The following FANCI variants were observed in gnomAD, a reference collection of about 807,000 sequenced individuals.
The protein encoded by FANCI is FA complementation group I.
In FANCI, 156 loss-of-function variants were observed where a neutral mutation model predicts 176.1. That is an observed-to-expected ratio of 0.89 (90% CI 0.78 to 1.01). FANCI has a LOEUF of 1.01. Among genes scored for constraint, FANCI ranks in the 50% least tolerant of loss-of-function variants. FANCI has a pLI of 0.00. For synonymous variants in FANCI, 613 were observed against 541.7 expected, an observed-to-expected ratio of 1.13 and a Z score of -1.83; for missense variants, 1,678 against 1,534.1, an observed-to-expected ratio of 1.09 and a Z score of -1.57.
chr15:89,291,818 C>A, intron 20 of FANCI, 104 bp downstream of exon 20: 1 of 893,604 alleles, frequency 1.1e-6, no homozygotes, highest in Non-Finnish European at 1.8e-6. Flanking sequence ...CCTGGTTCTT[C>A]CAATGAATGT....
chr15:89,252,223 C>A (rs771220070), intron 2 of FANCI, among the ~76,000 whole-genome samples: 2 of 151,054 alleles, frequency 1.3e-5, no homozygotes, highest in African/African-American at 2.4e-5. Context: ...TCACTTGAAC[C>A]TGGGAGGTGG....
chr15:89,258,712 T>G lies in FANCI; in HGVS notation c.93T>G (p.Asn31Lys), dbSNP rs1555442162. ...LQTLREGDLT[N>K]LLQNQAVKGK... Reference sequence around the variant, plus strand: ...TTTTTCTTTCTTTGCAGTTGACTAATCTCCTTCAGAATCAAGCAGTGAAAG... The same window carrying G: ...TTTTTCTTTCTTTGCAGTTGACTAAGCTCCTTCAGAATCAAGCAGTGAAAG... Residue 31 changes from asparagine to lysine, a missense_variant, in exon 3 of 38, where the codon AAT (asparagine) becomes AAG (lysine). Around this residue, in one of 3 missense-constraint regions of FANCI, gnomAD observed 469 missense variants for 436.9 expected, o/e 1.07. Transcript: ENST00000310775. 2 of 1,613,358 alleles carry G rather than the reference T, an allele frequency of 1.2e-6. No homozygotes were observed. The highest frequency in any genetic ancestry group is 1.7e-6 in the Non-Finnish European group (2 of 1,179,346).
intron 12 of FANCI, among the ~76,000 whole-genome samples, chr15:89,275,731 C>G (rs75877463): frequency 1.6e-3 from 248 of 152,324 alleles, no homozygotes; most frequent in African/African-American, 5.6e-3. Context: ...TACTCACTAA[C>G]CAGGAAATTC....
At position 89,282,334 on chromosome 15, in the gene FANCI, G is replaced by C. The variant is rs2053645742; in HGVS notation, c.1583+499G>C. ...TAGTGAACATCTGAATTATGATCTA[G>C]AGGCTAGTAGATCAAATTAATTGTT... On this transcript the variant is annotated intron_variant, in intron 16 of 37. Coordinates refer to ENST00000310775, the MANE Select transcript of FANCI (RefSeq NM_001113378.2). 3.5e-5 allele frequency: 6 copies of C among 171,420 alleles called. No individual in the cohort carries two copies. The South Asian group carries it at 8.2e-4, about 23-fold the overall frequency. The allele number at this position is 171,420 out of a possible 1,614,324, so 10.6% of individuals were successfully genotyped here.
At position 89,290,845 on chromosome 15, in the gene FANCI, A is replaced by G. The variant is rs141899178; in HGVS notation, c.1890+564A>G. 2.7e-3 allele frequency among the ~76,000 whole-genome samples: 410 copies of G among 152,214 alleles called. 8 individuals carry two copies. The highest frequency in any genetic ancestry group is 0.015 in the East Asian group (77 of 5,178). On this transcript the variant is annotated intron_variant, in intron 19 of 37. Transcript: ENST00000310775. ...GCCATTGCTTTGTGATAGTTATGAA[A>G]TTTCATTTAAAATTAAGGTCTCAGA... is the stretch of plus-strand genomic sequence containing the variant.
intron 12 of FANCI, among the ~76,000 whole-genome samples, chr15:89,275,048 A>G (rs2053357070): frequency 6.7e-6 from 1 of 149,210 alleles, no homozygotes; most frequent in African/African-American, 2.5e-5. Context: ...CTGGGACTAT[A>G]GGCATGTAGC....
intron 37 of FANCI, among the ~76,000 whole-genome samples, chr15:89,315,680 A>G (rs2055207220): frequency 1.3e-5 from 2 of 150,480 alleles, no homozygotes; most frequent in African/African-American, 4.8e-5. Flanking sequence ...CTGGATGATG[A>G]CCAGCTATAG....
intron 37 of FANCI, 82 bp from the exon 38 acceptor site, chr15:89,316,313 TAG>T (rs961039020): frequency 8.6e-5 from 115 of 1,333,666 alleles, no homozygotes; most frequent in South Asian, 4.5e-4. Flanking sequence ...GATGAGAAGA[TAG>T]AGTCTTTTTT....
chr15:89,290,450 C>A, intron 19 of FANCI, 169 bp downstream of exon 19: 4 of 628,212 alleles, frequency 6.4e-6, no homozygotes, highest in South Asian at 5.3e-5. Flanking sequence ...ATCTCGGTCA[C>A]CACTTACCTG....
At chr15:89,255,252 T>C (rs182954261) in intron 2 of FANCI, among the ~76,000 whole-genome samples, 1 of 152,326 alleles carries the variant, frequency 6.6e-6, no homozygotes, top group East Asian at 1.9e-4. Flanking sequence ...CTTGTATCCC[T>C]GGCATAAGGA....
At chr15:89,286,304 T>C (rs2053815118) in intron 18 of FANCI, among the ~76,000 whole-genome samples, 1 of 152,236 alleles carries the variant, frequency 6.6e-6, no homozygotes, top group South Asian at 2.1e-4. Flanking sequence ...AACTTAGTTT[T>C]TATAAAAGCA....
At chr15:89,291,209 T>C (rs1196361236) in intron 19 of FANCI, among the ~76,000 whole-genome samples, 2 of 152,192 alleles carry the variant, frequency 1.3e-5, no homozygotes, top group African/African-American at 2.4e-5. Flanking sequence ...CCTTATACAA[T>C]GATTATTAAT....
intron 2 of FANCI, among the ~76,000 whole-genome samples, chr15:89,250,896 A>G (rs991651007): frequency 6.6e-6 from 1 of 151,664 alleles, no homozygotes. Flanking sequence ...TAATGAAAAT[A>G]AATAAATTCC....
rs578153427 is a variant in FANCI, at chr15:89,298,042, T to A, written c.2637-1758T>A. On this transcript the variant is annotated intron_variant, in intron 24 of 37. Coordinates refer to ENST00000310775, the MANE Select transcript of FANCI (RefSeq NM_001113378.2). ...AAGGAAAAATAGACAAATCCTTAAT[T>A]AATGTAATCAGCCCTCTCTCCATAG... is the stretch of plus-strand genomic sequence containing the variant. 3.3e-5 allele frequency among the ~76,000 whole-genome samples: 5 copies of A among 151,814 alleles called. No individual in the cohort carries two copies. In the East Asian group the frequency reaches 7.7e-4, roughly 24 times the overall value.
At position 89,260,718 on chromosome 15, in the gene FANCI, C is replaced by A. The variant is rs766477415; in HGVS notation, c.163C>A (p.Pro55Thr). 1 of 1,613,638 alleles carries A rather than the reference C, an allele frequency of 6.2e-7. No individual in the cohort carries two copies. Among genetic ancestry groups the A allele is most frequent in the Non-Finnish European group, 8.5e-7 (1 of 1,179,786 alleles). The change falls in exon 4 of 38, where the codon CCC becomes ACC. Residue 55 changes from proline to threonine, a missense_variant. Coordinates refer to ENST00000310775, the MANE Select transcript of FANCI (RefSeq NM_001113378.2). ...CCCCTGTTTAAAACAATAAGGTTCC[C>A]CCTGCTCTGAGGAAGCTGGAACACT... The part of the protein sequence containing the change: ...ALLRAIFKGS[P>T]CSEEAGTLRR...
At chr15:89,281,061 T>C (rs764953391) in intron 14 of FANCI, 109 bp from the exon 15 acceptor site, 4 of 1,146,786 alleles carry the variant, frequency 3.5e-6, no homozygotes, top group Admixed American at 1.8e-5. Context: ...TATACTTGAC[T>C]TATTTGAGAA....
chr15:89,247,347 A>G (rs1017669308), intron 1 of FANCI, among the ~76,000 whole-genome samples: 4 of 152,234 alleles, frequency 2.6e-5, no homozygotes, highest in African/African-American at 9.6e-5. Context: ...GTAGATGGTA[A>G]CAAGTGTGGG....
chr15:89,278,261 G>A (rs145758824), intron 13 of FANCI, among the ~76,000 whole-genome samples: 1 of 152,300 alleles, frequency 6.6e-6, no homozygotes, highest in Non-Finnish European at 1.5e-5. Context: ...AGCAACTGCT[G>A]TGCTTCTAGA....
intron 6 of FANCI, among the ~76,000 whole-genome samples, chr15:89,262,807 A>T (rs1283148673): frequency 6.6e-6 from 1 of 152,240 alleles, no homozygotes; most frequent in Non-Finnish European, 1.5e-5. Flanking sequence ...AATGGTTTGC[A>T]GTAATCTATT....
Sources: allele counts gnomAD v4.1 joint callset (sites outside exome capture counted in the v4.1 genomes callset), GRCh38; gene constraint gnomAD v4.1.1; regional missense constraint gnomAD v4.1.1; transcripts MANE v1.5; gene names NCBI Gene and HGNC (gene_info 2026-07-23, HGNC 2026-07-21).